Variants in ARK2N observed in about 807,000 individuals in gnomAD.
ARK2N encodes protein ARK2N.
chr18:46,190,692 A>G, the ARK2N span, among the ~76,000 whole-genome samples: 1 of 151,112 alleles, frequency 6.6e-6, no homozygotes, highest in Non-Finnish European at 1.5e-5. Context: ...TAGTAAGATT[A>G]TGCTGTATCT....
chr18:46,187,750 G>C, the ARK2N span, among the ~76,000 whole-genome samples: 1 of 152,130 alleles, frequency 6.6e-6, no homozygotes, highest in African/African-American at 2.4e-5. Flanking sequence ...GAAGTGCCCA[G>C]TTTCCTTGAT....
the ARK2N span, among the ~76,000 whole-genome samples, chr18:46,209,876 G>C: frequency 6.6e-6 from 1 of 152,182 alleles, no homozygotes; most frequent in Admixed American, 6.5e-5. Flanking sequence ...TTACAGGCGT[G>C]AGCCACCGTG....
chr18:46,211,158 T>C, the ARK2N span, among the ~76,000 whole-genome samples: 1 of 152,310 alleles, frequency 6.6e-6, no homozygotes, highest in East Asian at 1.9e-4. Flanking sequence ...GATTTAGAGA[T>C]AGTGAGGTCA....
chr18:46,244,933 TTTTTTG>T, the ARK2N span, among the ~76,000 whole-genome samples: 2 of 151,896 alleles, frequency 1.3e-5, no homozygotes, highest in Non-Finnish European at 2.9e-5. Context: ...TCCTTCACTC[TTTTTTG>T]TTGTTGTTGT....
chr18:46,198,065 G>A, the ARK2N span, among the ~76,000 whole-genome samples: 1 of 152,000 alleles, frequency 6.6e-6, no homozygotes, highest in Non-Finnish European at 1.5e-5. Flanking sequence ...ACTGTGGGAG[G>A]CTGAGGTGGC....
the ARK2N span, among the ~76,000 whole-genome samples, chr18:46,250,427 A>G: frequency 1.3e-5 from 2 of 149,454 alleles, no homozygotes; most frequent in Admixed American, 1.3e-4. Context: ...AAACCTAAGC[A>G]TCATTTTTGA....
chr18:46,225,403 G>A, the ARK2N span, among the ~76,000 whole-genome samples: 6 of 152,314 alleles, frequency 3.9e-5, no homozygotes, highest in African/African-American at 1.2e-4. Context: ...GACAATCTGC[G>A]TTTTGGATTG....
the ARK2N span, among the ~76,000 whole-genome samples, chr18:46,192,343 G>A: frequency 6.6e-6 from 1 of 152,032 alleles, no homozygotes; most frequent in Non-Finnish European, 1.5e-5. Flanking sequence ...GGAGGCTAAG[G>A]TGGGCAGATC....
At chr18:46,237,787 G>A in the ARK2N span, among the ~76,000 whole-genome samples, 2 of 152,074 alleles carry the variant, frequency 1.3e-5, no homozygotes, top group Non-Finnish European at 2.9e-5. Flanking sequence ...CTTGTTGGAA[G>A]ATGAAGTTGG....
chr18:46,179,920 C>T, the ARK2N span, among the ~76,000 whole-genome samples: 121 of 152,260 alleles, frequency 7.9e-4, no homozygotes, highest in African/African-American at 2.6e-3. Context: ...CCACTGCGCC[C>T]GGCCTAAAGT....
the ARK2N span, among the ~76,000 whole-genome samples, chr18:46,260,811 C>T: frequency 1.1e-4 from 16 of 152,130 alleles, no homozygotes; most frequent in East Asian, 2.1e-3. Flanking sequence ...AATAAACCCT[C>T]GAGTGGAGAC....
the ARK2N span, among the ~76,000 whole-genome samples, chr18:46,202,085 A>G: frequency 5.0e-3 from 753 of 152,096 alleles, 10 homozygotes; most frequent in African/African-American, 0.017. Flanking sequence ...GCCTAGATCT[A>G]GTTTTCTTAA....
At chr18:46,176,712 G>C in the ARK2N span, among the ~76,000 whole-genome samples, 1 of 152,084 alleles carries the variant, frequency 6.6e-6, no homozygotes, top group African/African-American at 2.4e-5. Context: ...CCACCTCCTG[G>C]GTTCAAGCGA....
At chr18:46,203,956 T>A in the ARK2N span, among the ~76,000 whole-genome samples, 3 of 152,172 alleles carry the variant, frequency 2.0e-5, no homozygotes, top group African/African-American at 7.2e-5. Context: ...TGTTTTTTAG[T>A]GGGCTCATAT....
At chr18:46,262,484 G>T in the ARK2N span, among the ~76,000 whole-genome samples, 2 of 152,156 alleles carry the variant, frequency 1.3e-5, no homozygotes, top group African/African-American at 2.4e-5. Context: ...GTCTTTGAAG[G>T]CATTATTACC....
At chr18:46,196,293 G>A in the ARK2N span, among the ~76,000 whole-genome samples, 3 of 134,600 alleles carry the variant, frequency 2.2e-5, no homozygotes, top group South Asian at 7.3e-4. Flanking sequence ...ACGGAGTCTC[G>A]CTCTGTCGCC....
the ARK2N span, among the ~76,000 whole-genome samples, chr18:46,180,779 A>G: frequency 6.6e-6 from 1 of 152,134 alleles, no homozygotes; most frequent in Admixed American, 6.5e-5. Flanking sequence ...GAACCAGATG[A>G]TTTCTGAGTT....
the ARK2N span, among the ~76,000 whole-genome samples, chr18:46,238,760 A>G: frequency 1.3e-5 from 2 of 152,224 alleles, no homozygotes; most frequent in African/African-American, 4.8e-5. Flanking sequence ...TTAAGGGATC[A>G]CTACCCAAAG....
the ARK2N span, among the ~76,000 whole-genome samples, chr18:46,233,496 A>G: frequency 1.9e-4 from 29 of 152,316 alleles, no homozygotes; most frequent in Non-Finnish European, 3.7e-4. Flanking sequence ...TTAAATATCC[A>G]GATGAATTAC....
Sources: gnomAD v4.1 joint callset for allele counts (sites outside exome capture counted in the v4.1 genomes callset) on GRCh38, gnomAD v4.1.1 for gene constraint, MANE v1.5 for transcripts, NCBI Gene and HGNC (gene_info 2026-07-23, HGNC 2026-07-21) for gene names.